The following PTPRH variants were observed in gnomAD, a reference collection of about 807,000 sequenced individuals.
The protein encoded by PTPRH is receptor-type tyrosine-protein phosphatase H.
Under a neutral mutation model 130.2 loss-of-function variants are expected in PTPRH, and 113 were observed. The ratio of observed to expected loss-of-function variants is 0.87; its 90% CI spans 0.75 to 1.01. The LOEUF is 1.01. PTPRH is among the 50% of genes least tolerant of loss of function. The pLI, the probability that PTPRH is intolerant of heterozygous loss-of-function variation, is 0.00. For synonymous variants in PTPRH, 556 were observed against 577.9 expected (o/e 0.96, Z 0.54); for missense variants, 1,430 against 1,425.0 (o/e 1.00, Z -0.06).
At chr19:55,189,813 C>T (rs541181980) in intron 12 of PTPRH, 1 of 446,586 alleles carries the variant, frequency 2.2e-6, no homozygotes, top group African/African-American at 2.0e-5. Flanking sequence ...AGACCACCCC[C>T]CCGACCTCCA....
Position 55,200,316 on chromosome 19 carries a change from G to T in PTPRH, c.1340C>A (p.Pro447His), listed in dbSNP as rs770197288. Reference protein sequence around the residue: ...NTSVTAERLEPGTLYTFSVWA... With the variant: ...NTSVTAERLEHGTLYTFSVWA... ...TACAGAGAATGTGTACAAGGTTCCG[G>T]GCTCAAGTCTCTCAGCTGTCACACT... Residue 447 changes from proline (P) to histidine (H), a missense_variant, in exon 7 of 20, where the codon CCC (proline) becomes CAC (histidine). By Grantham distance (77) the Pro-to-His change is moderately conservative. Coordinates refer to ENST00000376350, the MANE Select transcript of PTPRH (RefSeq NM_002842.5). The T allele has an allele frequency of 1.2e-6, 2 of 1,614,160 alleles. No individual in the cohort carries two copies. The highest frequency in any genetic ancestry group is 4.5e-5 in the East Asian group (2 of 44,888).
chr19:55,198,701 G>A lies in PTPRH; in HGVS notation c.1632C>T (p.Thr544=), dbSNP rs977745447. ...TGACCTCATTCCTCTCGGCCCAGACGGTGAGGTGGTACAGGCTGCCAGCTT... is the reference window on the plus strand; with the variant it reads ...TGACCTCATTCCTCTCGGCCCAGACAGTGAGGTGGTACAGGCTGCCAGCTT... ...ELEAGSLYHL[T]VWAERNEVRG... The change falls in exon 8 of 20, where the codon ACC becomes ACT. Residue 544 remains threonine (T), a synonymous_variant. Transcript: ENST00000376350. The A allele has an allele frequency of 5.6e-6, 9 of 1,613,944 alleles. No homozygotes were observed. Among genetic ancestry groups the A allele is most frequent in the South Asian group, 1.1e-5 (1 of 91,038 alleles).
chr19:55,191,969 C>G lies in PTPRH; in HGVS notation c.2258-228G>C, dbSNP rs757064508. The stretch of plus-strand genomic sequence containing the variant: ...CCAGCCCCTCTCCTACCTCCTCCTC[C>G]TCCTCCGCCTACTCAACGCGAAGAC... On this transcript the variant is annotated intron_variant, in intron 10 of 19. Coordinates refer to ENST00000376350, the MANE Select transcript of PTPRH (RefSeq NM_002842.5). The G allele has an allele frequency of 1.2e-5, 8 of 662,108 alleles. No homozygotes were observed. The African/African-American group carries it at 1.4e-4, about 12-fold the overall frequency. The allele number at this position is 662,108 out of a possible 1,614,324, so 41.0% of individuals were successfully genotyped here.
chr19:55,195,364 T>C (rs1368829718), intron 10 of PTPRH, among the ~76,000 whole-genome samples: 1 of 151,190 alleles, frequency 6.6e-6, no homozygotes, highest in African/African-American at 2.4e-5. Flanking sequence ...TAGCCAAGCA[T>C]GGTGGCACAT....
At chr19:55,201,995 T>C (rs2086877204) in intron 6 of PTPRH, 61 bp downstream of exon 6, 1 of 1,592,652 alleles carries the variant, frequency 6.3e-7, no homozygotes, top group East Asian at 2.2e-5. Flanking sequence ...ATCGTCTACA[T>C]TCTACTGCTT....
At position 55,205,521 on chromosome 19, in the gene PTPRH, G is replaced by C. The variant is rs777912563; in HGVS notation, c.424C>G (p.Pro142Ala). Residue 142 changes from proline (P) to alanine (A), a missense_variant, in exon 4 of 20, where the codon CCC (proline) becomes GCC (alanine). Pro to Ala is a conservative substitution (Grantham distance 27). Transcript: ENST00000376350. ...GAGTTCTGTGGGTCTGGGCCGTCGGGGACCTCCCAGGTCAGGGCGATGGAG... is the reference window on the plus strand; with the variant it reads ...GAGTTCTGTGGGTCTGGGCCGTCGGCGACCTCCCAGGTCAGGGCGATGGAG... ...NSSIALTWEV[P>A]DGPDPQNSTY... 20 of 1,614,098 alleles carry C rather than the reference G, an allele frequency of 1.2e-5. No individual in the cohort carries two copies. In the Admixed American group the frequency reaches 2.7e-4, roughly 22 times the overall value.
In PTPRH at chr19:55,181,757, G is replaced by T; in HGVS notation, c.3345C>A (p.Val1115=). 6.2e-7 allele frequency: 1 copy of T among 1,614,124 alleles called. No individual in the cohort carries two copies. The highest frequency in any genetic ancestry group is 8.5e-7 in the Non-Finnish European group (1 of 1,180,050). The change falls in exon 20 of 20, where the codon GTC becomes GTA. Residue 1115 remains valine, a synonymous_variant. Transcript: ENST00000376350. ...VAAIQAHKLE[V] ...GCCGACCCAGCCCCCTCGTCACTTA[G>T]ACCTCCAACTTGTGGGCCTGGATGG... is the stretch of plus-strand genomic sequence containing the variant.
chr19:55,196,871 C>A, intron 9 of PTPRH, 83 bp from the exon 10 acceptor site: 2 of 1,506,096 alleles, frequency 1.3e-6, no homozygotes, highest in Admixed American at 3.9e-5. Context: ...TTTTCTGAGA[C>A]GAGCCCATCC....
In PTPRH at chr19:55,197,275, C is replaced by G. The variant is rs758059235; in HGVS notation, c.1832G>C (p.Gly611Ala). ...QWASKGHPRR[G>A]QDPQANWVNQ... ...GACCCAATTCGCTTGGGGATCTTGC[C>G]CCCTCCGGGGATGTCCCTTGCTGGC... Residue 611 changes from glycine (G) to alanine (A), a missense_variant, in exon 9 of 20, where the codon GGG becomes GCG. Coordinates refer to ENST00000376350, the MANE Select transcript of PTPRH (RefSeq NM_002842.5). 6.2e-7 allele frequency: 1 copy of G among 1,614,248 alleles called. No individual in the cohort carries two copies. Among genetic ancestry groups the G allele is most frequent in the Non-Finnish European group, 8.5e-7 (1 of 1,180,050 alleles).
At chr19:55,192,230 A>G (rs2086563988) in intron 10 of PTPRH, among the ~76,000 whole-genome samples, 1 of 151,966 alleles carries the variant, frequency 6.6e-6, no homozygotes, top group Admixed American at 6.6e-5. Flanking sequence ...GTGAAACCCC[A>G]TCTCCACTAA....
In PTPRH at chr19:55,201,717, G is replaced by T. The variant is rs1203089939; in HGVS notation, c.1153+339C>A. On this transcript the variant is annotated intron_variant, in intron 6 of 19. Transcript: ENST00000376350. ...GTTGGGAACTAGAAGAAGAGTCAGA[G>T]GGTCAGAGTGTCCCCACTCACAGTA... is the stretch of plus-strand genomic sequence containing the variant. 2.0e-5 allele frequency among the ~76,000 whole-genome samples: 3 copies of T among 152,354 alleles called. No homozygotes were observed. The East Asian group carries it at 5.8e-4, about 29-fold the overall frequency.
intron 10 of PTPRH, chr19:55,194,091 C>A: frequency 8.6e-7 from 1 of 1,159,604 alleles, no homozygotes; most frequent in Non-Finnish European, 1.1e-6. Flanking sequence ...CACAGGTGAT[C>A]CTCCCGCCTC....
chr19:55,206,955 G>C lies in PTPRH; in HGVS notation c.86C>G (p.Ala29Gly). 2 of 1,588,328 alleles carry C rather than the reference G, an allele frequency of 1.3e-6. No individual in the cohort carries two copies. The highest frequency in any genetic ancestry group is 1.7e-6 in the Non-Finnish European group (2 of 1,164,758). Residue 29 changes from alanine (A) to glycine (G), a missense_variant and splice_region_variant, in exon 3 of 20, where the codon GCC (alanine) becomes GGC (glycine). Coordinates refer to ENST00000376350, the MANE Select transcript of PTPRH (RefSeq NM_002842.5). ...TGTCAGGTTCCTCCCTGGGTTGGGG[G>C]CTGAGAATTGGGAAGGAAGGTCTGA... ...LCSWTGARAP[A>G]PNPGRNLTVE...
In PTPRH at chr19:55,205,458, C is replaced by T. The variant is rs1455205726; in HGVS notation, c.487G>A (p.Ala163Thr). 3.7e-6 allele frequency: 6 copies of T among 1,614,094 alleles called. No homozygotes were observed. The African/African-American group carries it at 8.0e-5, about 22-fold the overall frequency. The part of the protein sequence containing the change: ...GVEYTGDGGR[A>T]GTRSTAHTNI... The stretch of plus-strand genomic sequence containing the variant: ...GTGTGTGCTGTGCTTCGAGTCCCTG[C>T]TCTGCCACCATCTCCAGTGTACTCA... Residue 163 changes from alanine (A) to threonine (T), a missense_variant, in exon 4 of 20, where the codon GCA becomes ACA. Transcript: ENST00000376350.
chr19:55,190,499 A>T (rs2086496122), intron 12 of PTPRH, among the ~76,000 whole-genome samples: 1 of 140,412 alleles, frequency 7.1e-6, no homozygotes. Context: ...TAATTTATAT[A>T]TTATATTATA....
chr19:55,193,546 A>G (rs1171100761), intron 10 of PTPRH, among the ~76,000 whole-genome samples: 1 of 152,186 alleles, frequency 6.6e-6, no homozygotes, highest in Non-Finnish European at 1.5e-5. Context: ...ATGTCTGGAG[A>G]CGCTTTTGGT....
chr19:55,196,524 G>A lies in PTPRH; in HGVS notation c.2255C>T (p.Ala752Val). 1 of 1,609,314 alleles carries A rather than the reference G, an allele frequency of 6.2e-7. No individual in the cohort carries two copies. The highest frequency in any genetic ancestry group is 2.2e-5 in the East Asian group (1 of 44,808). The change falls in exon 10 of 20, where the codon GCA becomes GTA. Residue 752 changes from alanine (A) to valine (V), a missense_variant and splice_region_variant. Physicochemically the swap from Ala to Val is moderately conservative, Grantham distance 64 (BLOSUM62 0). Transcript: ENST00000376350. ...CTGGCCCGCGCGGCTCCGCTCACCT[G>A]CACTCTCGGTGTGGCAGACCACAGA... ...SHSVVCHTES[A>V]GVIAGAFVGI... is the part of the protein sequence containing the mutation.
At chr19:55,207,288 C>T (rs554596388) in intron 1 of PTPRH, 89 bp from the exon 2 acceptor site, 55 of 1,432,374 alleles carry the variant, frequency 3.8e-5, no homozygotes, top group South Asian at 2.9e-4. Context: ...GGCTGGTCCC[C>T]GCCCCATGAG....
chr19:55,203,563 ACG>A (rs1469443261), intron 5 of PTPRH, among the ~76,000 whole-genome samples: 2 of 151,098 alleles, frequency 1.3e-5, no homozygotes, highest in African/African-American at 2.4e-5. Flanking sequence ...CCACGGGAAC[ACG>A]CCACCACAGC....
Sources: gnomAD v4.1 joint callset for allele counts (sites outside exome capture counted in the v4.1 genomes callset) on GRCh38, gnomAD v4.1.1 for gene constraint, MANE v1.5 for transcripts, NCBI Gene and HGNC (gene_info 2026-07-23, HGNC 2026-07-21) for gene names.